RNF150: variants seen among roughly 807,000 people sequenced by gnomAD.
RNF150 encodes the protein ring finger protein 150.
RNF150 carries 24 observed loss-of-function variants against 39.3 expected under a neutral mutation model. The observed-to-expected ratio is 0.61, with a 90% CI of 0.44 to 0.86. The LOEUF (loss-of-function observed/expected upper bound fraction) is 0.86. RNF150 is among the 40% of genes least tolerant of loss of function. The pLI is 0.00. For missense variants in RNF150, 502 were observed against 587.8 expected (o/e 0.85, Z 1.51); for synonymous variants, 255 against 227.3 (o/e 1.12, Z -1.10).
chr4:140,927,202 A>C (rs1731432767), intron 4 of RNF150, among the ~76,000 whole-genome samples: 1 of 152,230 alleles, frequency 6.6e-6, no homozygotes, highest in Non-Finnish European at 1.5e-5. Context: ...GATTGGCTGC[A>C]TAGAGGATAT....
chr4:141,162,011 G>C (rs1377890289), intron 1 of RNF150, among the ~76,000 whole-genome samples: 1 of 152,202 alleles, frequency 6.6e-6, no homozygotes, highest in Non-Finnish European at 1.5e-5. Flanking sequence ...AGTCCGCAAT[G>C]GGGCATTGCC....
chr4:141,005,288 G>A (rs1734821952), intron 1 of RNF150, among the ~76,000 whole-genome samples: 1 of 152,216 alleles, frequency 6.6e-6, no homozygotes, highest in African/African-American at 2.4e-5. Context: ...AGAAGCTCAG[G>A]AGGGGAGATG....
At chr4:141,004,127 C>G (rs916419978) in intron 1 of RNF150, among the ~76,000 whole-genome samples, 1 of 151,990 alleles carries the variant, frequency 6.6e-6, no homozygotes, top group Non-Finnish European at 1.5e-5. Flanking sequence ...TTACACGGTG[C>G]CATGCTAGGC....
chr4:140,981,648 T>C (rs12505666), intron 1 of RNF150, among the ~76,000 whole-genome samples: 46,541 of 152,066 alleles, frequency 0.31, 7,899 homozygotes, highest in East Asian at 0.71. Context: ...GTAGCATCAC[T>C]AGGTGCCTGT....
chr4:141,082,690 G>A (rs551146892), intron 1 of RNF150, among the ~76,000 whole-genome samples: 25 of 151,216 alleles, frequency 1.7e-4, no homozygotes, highest in Admixed American at 5.3e-4. Context: ...CCAGGTTCAC[G>A]CCATTCTCCT....
chr4:140,878,223 G>C (rs971676228), intron 6 of RNF150, among the ~76,000 whole-genome samples: 1 of 32,630 alleles, frequency 3.1e-5, no homozygotes, highest in African/African-American at 9.1e-5. Context: ...CTGGAGTGCA[G>C]TGGCACAATC....
intron 1 of RNF150, among the ~76,000 whole-genome samples, chr4:141,039,014 G>A (rs756969496): frequency 6.6e-6 from 1 of 152,124 alleles, no homozygotes; most frequent in Non-Finnish European, 1.5e-5. Context: ...CCTGTCAGTA[G>A]TAACCAAGCA....
chr4:141,124,010 G>T (rs1395796446), intron 1 of RNF150, among the ~76,000 whole-genome samples: 1 of 152,052 alleles, frequency 6.6e-6, no homozygotes, highest in African/African-American at 2.4e-5. Flanking sequence ...TGCAATATTT[G>T]TCAGGACCTA....
intron 1 of RNF150, among the ~76,000 whole-genome samples, chr4:141,043,501 A>C (rs1422836583): frequency 2.0e-5 from 3 of 152,184 alleles, no homozygotes; most frequent in Non-Finnish European, 4.4e-5. Flanking sequence ...AATTACTCAC[A>C]AGTGAGTTTT....
chr4:141,099,815 A>T (rs1426556190), intron 1 of RNF150, among the ~76,000 whole-genome samples: 1 of 152,112 alleles, frequency 6.6e-6, no homozygotes, highest in African/African-American at 2.4e-5. Context: ...TTTAAGAACA[A>T]GGAACTCTAA....
chr4:140,978,098 A>G (rs1733729010), intron 1 of RNF150, among the ~76,000 whole-genome samples: 1 of 152,188 alleles, frequency 6.6e-6, no homozygotes, highest in African/African-American at 2.4e-5. Context: ...TGTATCATTC[A>G]GCAACCAAAT....
chr4:140,958,375 T>G (rs750463520), intron 2 of RNF150, among the ~76,000 whole-genome samples: 1 of 152,058 alleles, frequency 6.6e-6, no homozygotes, highest in Non-Finnish European at 1.5e-5. Context: ...GTTGCTCATT[T>G]TATGGCTATG....
At chr4:141,205,194 C>T (rs1347620437) in intron 1 of RNF150, among the ~76,000 whole-genome samples, 1 of 152,118 alleles carries the variant, frequency 6.6e-6, no homozygotes, top group Admixed American at 6.6e-5. Flanking sequence ...ATCATATTAA[C>T]TCATTTTGAG....
At chr4:141,060,771 A>C (rs1257844952) in intron 1 of RNF150, among the ~76,000 whole-genome samples, 1 of 152,230 alleles carries the variant, frequency 6.6e-6, no homozygotes, top group South Asian at 2.1e-4. Context: ...CTAGATAAAG[A>C]AAATGTGGCA....
intron 1 of RNF150, among the ~76,000 whole-genome samples, chr4:141,068,150 G>A (rs1453856884): frequency 4.6e-5 from 7 of 151,992 alleles, no homozygotes; most frequent in African/African-American, 1.7e-4. Flanking sequence ...TCACCATGTG[G>A]GACAGGCTGC....
chr4:141,150,131 C>A (rs989149427), intron 1 of RNF150, among the ~76,000 whole-genome samples: 13 of 152,008 alleles, frequency 8.6e-5, no homozygotes, highest in African/African-American at 3.1e-4. Flanking sequence ...TCTGAAAGAA[C>A]AAAAATGGTG....
intron 1 of RNF150, among the ~76,000 whole-genome samples, chr4:140,996,646 T>C (rs58567658): frequency 0.076 from 11,545 of 152,280 alleles, 497 homozygotes; most frequent in Middle Eastern, 0.16. Context: ...TTACGAAAAT[T>C]ATCTGTTACC....
intron 5 of RNF150, among the ~76,000 whole-genome samples, chr4:140,918,795 T>C (rs1050180109): frequency 6.6e-6 from 1 of 152,110 alleles, no homozygotes; most frequent in African/African-American, 2.4e-5. Flanking sequence ...AATAAAATAC[T>C]GGCAAACCAA....
At chr4:141,199,210 C>T (rs1728252209) in intron 1 of RNF150, among the ~76,000 whole-genome samples, 1 of 151,992 alleles carries the variant, frequency 6.6e-6, no homozygotes, top group Non-Finnish European at 1.5e-5. Flanking sequence ...AAACACAAAC[C>T]AACAATACTG....
Sources: allele counts gnomAD v4.1 joint callset (sites outside exome capture counted in the v4.1 genomes callset), GRCh38; gene constraint gnomAD v4.1.1; transcripts MANE v1.5; gene names NCBI Gene and HGNC (gene_info 2026-07-23, HGNC 2026-07-21).